Variants in CEP152 observed in about 807,000 individuals in gnomAD.
CEP152 encodes centrosomal protein of 152 kDa.
A neutral mutation model predicts 188.9 loss-of-function variants in CEP152; 132 were observed. The observed-to-expected ratio is 0.70, with a 90% CI of 0.61 to 0.81. The LOEUF (loss-of-function observed/expected upper bound fraction) is 0.81, where lower values mean the gene tolerates loss of function less well. Ranked by LOEUF, CEP152 falls within the 30% of genes least tolerant of loss-of-function variation. The pLI is 0.00. For synonymous variants in CEP152, 649 were observed against 666.6 expected (o/e 0.97, Z 0.41); for missense variants, 1,914 against 1,969.8 (o/e 0.97, Z 0.54).
At chr15:48,782,073 A>G in intron 11 of CEP152, 66 bp downstream of exon 11, 1 of 1,434,116 alleles carries the variant, frequency 7.0e-7, no homozygotes, top group Admixed American at 1.7e-5. Flanking sequence ...CCAAGATTCA[A>G]AAAGGTGATG....
intron 2 of CEP152, among the ~76,000 whole-genome samples, chr15:48,800,147 T>A (rs1195205674): frequency 6.6e-6 from 1 of 152,116 alleles, no homozygotes; most frequent in South Asian, 2.1e-4. Context: ...CAGAGAAAAA[T>A]TAATTTGAGT....
chr15:48,772,834 T>G (rs1353496234), intron 12 of CEP152, 143 bp from the exon 13 acceptor site: 2 of 704,194 alleles, frequency 2.8e-6, no homozygotes, highest in Non-Finnish European at 4.9e-6. Context: ...TTTTAAATGT[T>G]GTCATACACA....
intron 9 of CEP152, 91 bp from the exon 10 acceptor site, chr15:48,784,211 T>A: frequency 1.6e-6 from 2 of 1,273,468 alleles, no homozygotes; most frequent in Admixed American, 4.0e-5. Context: ...AGATTTGATG[T>A]CAAACACAAG....
In CEP152 at chr15:48,791,392, T is replaced by C. The variant is rs1268707765; in HGVS notation, c.833-16A>G. ...TCCTTTTCATCTACGGTATTAAAAA[T>C]GTTTATATAAATAATGTTCCTGTAG... is the stretch of plus-strand genomic sequence containing the variant. On this transcript the variant is annotated splice_polypyrimidine_tract_variant and intron_variant, in intron 7 of 26. Transcript: ENST00000380950. 6.2e-7 allele frequency: 1 copy of C among 1,606,712 alleles called. No individual in the cohort carries two copies.
chr15:48,798,493 G>A (rs1187542018), intron 2 of CEP152, among the ~76,000 whole-genome samples: 1 of 152,108 alleles, frequency 6.6e-6, no homozygotes, highest in Admixed American at 6.6e-5. Context: ...CTGGCCAGGT[G>A]ATGAGAACAG....
In CEP152 at chr15:48,797,367, C is replaced by T. The variant is rs757253923; in HGVS notation, c.474G>A (p.Lys158=). 6.8e-6 allele frequency: 11 copies of T among 1,613,964 alleles called. No individual in the cohort carries two copies. The highest frequency in any genetic ancestry group is 9.3e-6 in the Non-Finnish European group (11 of 1,179,980). ...TGGTTGCTTGGTTATTAAATTCCTG[C>T]TTCTGACCATTGGTATATGGCCTAA... The part of the protein sequence containing the change: ...ENFRPYTNGQ[K]QEFNNQATNV... Residue 158 remains lysine, a synonymous_variant, in exon 5 of 27, where the codon AAG becomes AAA. Coordinates refer to ENST00000380950, the MANE Select transcript of CEP152 (RefSeq NM_001194998.2).
intron 2 of CEP152, among the ~76,000 whole-genome samples, chr15:48,798,365 G>C (rs559418113): frequency 4.0e-5 from 6 of 151,862 alleles, no homozygotes; most frequent in Non-Finnish European, 8.8e-5. Flanking sequence ...TACAATCAAT[G>C]CATTATGTTA....
At chr15:48,782,818 A>G (rs16961643) in intron 10 of CEP152, among the ~76,000 whole-genome samples, 2,360 of 152,294 alleles carry the variant, frequency 0.015, 69 homozygotes, top group African/African-American at 0.054. Flanking sequence ...GGAAATGATT[A>G]AGTGAAGCAA....
chr15:48,731,126 T>A, intron 2 of CEP152, among the ~76,000 whole-genome samples: 1 of 152,198 alleles, frequency 6.6e-6, no homozygotes, highest in East Asian at 1.9e-4. Context: ...AGAAGGGGGC[T>A]GTCAGGGGAA....
chr15:48,805,731 C>G, intron 1 of CEP152, 75 bp from the exon 2 acceptor site: 2 of 1,582,810 alleles, frequency 1.3e-6, no homozygotes, highest in Non-Finnish European at 1.7e-6. Flanking sequence ...TAAGAGATGC[C>G]ATACATACAC....
chr15:48,772,045 C>T (rs1895568286), intron 13 of CEP152, among the ~76,000 whole-genome samples: 1 of 152,150 alleles, frequency 6.6e-6, no homozygotes, highest in Admixed American at 6.6e-5. Flanking sequence ...TTAAAAATGG[C>T]ATTTCCTTCT....
intron 12 of CEP152, among the ~76,000 whole-genome samples, chr15:48,772,904 C>G (rs139113843): frequency 2.0e-5 from 3 of 152,248 alleles, no homozygotes; most frequent in African/African-American, 7.2e-5. Context: ...CAGGAAGAGC[C>G]TTCTCAAGCT....
intron 1 of CEP152, chr15:48,810,753 T>C (rs1322842853): frequency 6.6e-6 from 1 of 152,364 alleles, no homozygotes; most frequent in African/African-American, 2.4e-5. Flanking sequence ...GCTTCCCATA[T>C]GTCACTTCTA....
At chr15:48,748,775 T>G (rs1405870827) in intron 21 of CEP152, among the ~76,000 whole-genome samples, 165 bp from the exon 22 acceptor site, 2 of 151,752 alleles carry the variant, frequency 1.3e-5, no homozygotes, top group Admixed American at 1.3e-4. Flanking sequence ...GGTTTACATA[T>G]TGTTTCTGCT....
chr15:48,736,181 A>T (rs1271025338), downstream of CEP152, among the ~76,000 whole-genome samples: 1 of 152,208 alleles, frequency 6.6e-6, no homozygotes, highest in African/African-American at 2.4e-5. Context: ...AGCCCAGGCT[A>T]GATGCCTTCA....
Position 48,797,536 on chromosome 15 carries a change from C to T in CEP152, c.305G>A (p.Gly102Asp), listed in dbSNP as rs2140907217. 3 of 1,614,036 alleles carry T rather than the reference C, an allele frequency of 1.9e-6. No individual in the cohort carries two copies. The highest frequency in any genetic ancestry group is 2.5e-6 in the Non-Finnish European group (3 of 1,179,964). ...ACTTCTATTTTCTTCCCAGACATTA[C>T]CACATTTTTCTCCAGCATATAAACT... The part of the protein sequence containing the change: ...IQSLYAGEKC[G>D]NVWEENRSKT... Residue 102 changes from glycine to aspartate, a missense_variant, in exon 5 of 27, where the codon GGT becomes GAT. Coordinates refer to ENST00000380950, the MANE Select transcript of CEP152 (RefSeq NM_001194998.2).
chr15:48,773,739 C>T (rs916589537), intron 12 of CEP152, among the ~76,000 whole-genome samples: 1 of 152,166 alleles, frequency 6.6e-6, no homozygotes, highest in African/African-American at 2.4e-5. Context: ...TTTTCTAAAC[C>T]TGATGTAGTA....
intron 9 of CEP152, among the ~76,000 whole-genome samples, chr15:48,788,222 A>T (rs1896782145): frequency 6.6e-6 from 1 of 152,218 alleles, no homozygotes; most frequent in African/African-American, 2.4e-5. Flanking sequence ...CAAATAAAGG[A>T]CAAGTAATGT....
At chr15:48,742,722 C>T (rs550646766) in intron 24 of CEP152, among the ~76,000 whole-genome samples, 2 of 151,856 alleles carry the variant, frequency 1.3e-5, no homozygotes, top group African/African-American at 2.4e-5. Context: ...CTGAAATTTA[C>T]ATATAAACAT....
Sources: allele counts gnomAD v4.1 joint callset (sites outside exome capture counted in the v4.1 genomes callset), GRCh38; gene constraint gnomAD v4.1.1; transcripts MANE v1.5; gene names NCBI Gene and HGNC (gene_info 2026-07-23, HGNC 2026-07-21).